The following UGGT1 variants were observed in gnomAD, a reference collection of about 807,000 sequenced individuals.
The protein encoded by UGGT1 is UDP-glucose:glycoprotein glucosyltransferase 1.
A neutral mutation model predicts 203.9 loss-of-function variants in UGGT1; 107 were observed. That is an observed-to-expected ratio of 0.52 (90% CI 0.45 to 0.62). The LOEUF (loss-of-function observed/expected upper bound fraction) is 0.62. Among genes scored for constraint, UGGT1 ranks in the 20% least tolerant of loss-of-function variants. The pLI is 0.00. For missense variants in UGGT1, 1,673 were observed against 1,867.2 expected (o/e 0.90, Z 1.92); for synonymous variants, 628 against 653.5 (o/e 0.96, Z 0.59).
chr2:128,171,072 A>T, intron 27 of UGGT1, 133 bp from the exon 28 acceptor site: 1 of 789,198 alleles, frequency 1.3e-6, no homozygotes, highest in East Asian at 2.7e-5. Context: ...TGTGATTTCC[A>T]GAAGTTTCGC....
intron 39 of UGGT1, 115 bp from the exon 40 acceptor site, chr2:128,187,334 G>T: frequency 8.9e-7 from 1 of 1,118,046 alleles, no homozygotes; most frequent in Non-Finnish European, 1.3e-6. Flanking sequence ...TATATCATTT[G>T]GTTCCTTACT....
chr2:128,106,091 C>T (rs1687593421), intron 3 of UGGT1, among the ~76,000 whole-genome samples: 1 of 151,556 alleles, frequency 6.6e-6, no homozygotes, highest in Non-Finnish European at 1.5e-5. Context: ...AGGCGTGGGC[C>T]ACCATGCCCA....
At chr2:128,162,199 T>G (rs1164970308) in intron 25 of UGGT1, among the ~76,000 whole-genome samples, 1 of 152,024 alleles carries the variant, frequency 6.6e-6, no homozygotes, top group African/African-American at 2.4e-5. Context: ...TCAAGTCTTT[T>G]GCCCATTTTT....
chr2:128,136,408 C>G (rs1293690731), intron 15 of UGGT1, among the ~76,000 whole-genome samples: 1 of 150,310 alleles, frequency 6.7e-6, no homozygotes, highest in East Asian at 2.0e-4. Context: ...AACTACTGAT[C>G]TTTTTACTGT....
chr2:128,185,492 T>TTA (rs1691930618), intron 38 of UGGT1, among the ~76,000 whole-genome samples: 1 of 143,630 alleles, frequency 7.0e-6, no homozygotes, highest in African/African-American at 2.6e-5. Context: ...TTTTTTTTTT[T>TTA]AGACAAGGTC....
intron 6 of UGGT1, among the ~76,000 whole-genome samples, chr2:128,113,905 C>T (rs1349463290): frequency 2.8e-4 from 1 of 3,606 alleles, no homozygotes; most frequent in East Asian, 6.4e-3. Context: ...GGCGTGAACC[C>T]GGGAGGCGGA....
At chr2:128,169,141 C>T (rs1214498852) in intron 26 of UGGT1, among the ~76,000 whole-genome samples, 1 of 138,248 alleles carries the variant, frequency 7.2e-6, no homozygotes, top group Non-Finnish European at 1.5e-5. Context: ...GAAGCCAAGG[C>T]AGGAGGATCA....
At chr2:128,182,909 C>T (rs374873120) in intron 37 of UGGT1, among the ~76,000 whole-genome samples, 20 of 114,214 alleles carry the variant, frequency 1.8e-4, no homozygotes, top group Admixed American at 1.9e-4. Context: ...TGTAACTTGG[C>T]TTTTTTTTTT....
In UGGT1 at chr2:128,152,806, A is replaced by T; in HGVS notation, c.2039A>T (p.Asp680Val). ...VYLGELPHDQ[D>V]VVEYIMNQPN... Reference sequence around the variant, plus strand: ...CAGGGTGAACTGCCCCATGATCAAGATGTGGTAGAGTATATCATGAATCAG... The same window carrying T: ...CAGGGTGAACTGCCCCATGATCAAGTTGTGGTAGAGTATATCATGAATCAG... Residue 680 changes from aspartate (D) to valine (V), a missense_variant, in exon 19 of 41, where the codon GAT (aspartate) becomes GTT (valine). Coordinates refer to ENST00000259253, the MANE Select transcript of UGGT1 (RefSeq NM_020120.4). 1 of 1,612,104 alleles carries T rather than the reference A, an allele frequency of 6.2e-7. No individual in the cohort carries two copies. Among genetic ancestry groups the T allele is most frequent in the South Asian group, 1.1e-5 (1 of 90,630 alleles).
chr2:128,091,311 C>A lies in UGGT1; in HGVS notation c.-47C>A. 2 of 1,521,598 alleles carry A rather than the reference C, an allele frequency of 1.3e-6. No individual in the cohort carries two copies. The highest frequency in any genetic ancestry group is 4.1e-5 in the Admixed American group (2 of 48,640). 94.3% of individuals were successfully genotyped at this position (1,521,598 alleles called of 1,614,324 possible). Reference sequence around the variant, plus strand: ...GCCGCTGCCGCCTCGCCCCGCCCTGCCCTGGCGTTGTCTCTGGCACTGTGG... The same window carrying A: ...GCCGCTGCCGCCTCGCCCCGCCCTGACCTGGCGTTGTCTCTGGCACTGTGG... On this transcript the variant is annotated 5_prime_UTR_variant, in exon 1 of 41. Transcript: ENST00000259253.
intron 11 of UGGT1, among the ~76,000 whole-genome samples, chr2:128,123,958 G>A (rs1437886868): frequency 6.6e-6 from 1 of 152,032 alleles, no homozygotes. Context: ...TTTTGTTTTT[G>A]TTTTGGAGAT....
intron 11 of UGGT1, among the ~76,000 whole-genome samples, chr2:128,125,152 G>A (rs572516055): frequency 1.3e-5 from 2 of 152,280 alleles, no homozygotes; most frequent in South Asian, 2.1e-4. Flanking sequence ...AGGGAAGAGC[G>A]TTTGGTGACT....
chr2:128,133,261 G>A lies in UGGT1; in HGVS notation c.1497+1G>A. 5 of 1,612,732 alleles carry A rather than the reference G, an allele frequency of 3.1e-6. No homozygotes were observed. The highest frequency in any genetic ancestry group is 4.2e-6 in the Non-Finnish European group (5 of 1,179,392). The stretch of plus-strand genomic sequence containing the variant: ...GATCAGGAAAAACTTACATAATATG[G>A]TAAGTAAAACTTATTGTCTGGCTGT... On this transcript the variant is annotated splice_donor_variant, in intron 14 of 40. Coordinates refer to ENST00000259253, the MANE Select transcript of UGGT1 (RefSeq NM_020120.4). LOFTEE classifies it high-confidence loss of function.
intron 13 of UGGT1, among the ~76,000 whole-genome samples, chr2:128,132,368 C>T (rs1438244389): frequency 2.0e-5 from 3 of 151,992 alleles, no homozygotes; most frequent in Middle Eastern, 3.4e-3. Context: ...GCCAACATGG[C>T]GAAACCCCAC....
At chr2:128,145,749 A>G (rs1689656081) in intron 17 of UGGT1, 54 bp from the exon 18 acceptor site, 4 of 1,462,396 alleles carry the variant, frequency 2.7e-6, no homozygotes, top group Non-Finnish European at 3.6e-6. Flanking sequence ...GCTGTGTTCC[A>G]TTTGTCTCAC....
At chr2:128,139,268 T>A (rs1432307762) in intron 16 of UGGT1, among the ~76,000 whole-genome samples, 1 of 152,216 alleles carries the variant, frequency 6.6e-6, no homozygotes, top group East Asian at 1.9e-4. Flanking sequence ...TATGTACTTT[T>A]TGAGACCAGA....
At position 128,116,207 on chromosome 2, in the gene UGGT1, C is replaced by T. The variant is rs183218843; in HGVS notation, c.794-58C>T. On this transcript the variant is annotated intron_variant, in intron 7 of 40. Transcript: ENST00000259253. ...TTTATGAAGTTTATGAGACTAGTAA[C>T]GTTTTTGTTTCAAATCTGAGCAATT... 9.6e-6 allele frequency: 11 copies of T among 1,141,140 alleles called. No individual in the cohort carries two copies. In the Admixed American group the frequency reaches 9.6e-5, roughly 10 times the overall value. 70.7% of individuals were successfully genotyped at this position (1,141,140 alleles called of 1,614,324 possible). A position where few individuals can be genotyped will look rare whatever the true frequency, so the allele number is the denominator to read the frequency against.
At chr2:128,169,580 A>G (rs1250315756) in intron 26 of UGGT1, among the ~76,000 whole-genome samples, 1 of 152,238 alleles carries the variant, frequency 6.6e-6, no homozygotes, top group African/African-American at 2.4e-5. Flanking sequence ...AGAAATTTCC[A>G]AATGTGGAGA....
rs761831326 is a variant in UGGT1 at position 128,113,228 on chromosome 2, A to T, written c.666A>T (p.Lys222Asn). The change falls in exon 6 of 41, where the codon AAA (lysine) becomes AAT (asparagine). Residue 222 changes from lysine (K) to asparagine (N), a missense_variant. Physicochemically the swap from Lys to Asn is moderately conservative, Grantham distance 94 (BLOSUM62 0). This residue lies in a region of UGGT1 where 1,073 missense variants were observed against 1,078.7 expected (regional missense o/e 0.99). Coordinates refer to ENST00000259253, the MANE Select transcript of UGGT1 (RefSeq NM_020120.4). Reference protein sequence around the residue: ...RQLISKSNAGKINYVFRHYIF... With the variant: ...RQLISKSNAGNINYVFRHYIF... ...TTATATCAAAAAGCAATGCAGGCAAAATCAATTATGTATTCAGACATTATA... is the reference window on the plus strand; with the variant it reads ...TTATATCAAAAAGCAATGCAGGCAATATCAATTATGTATTCAGACATTATA... 6.2e-7 allele frequency: 1 copy of T among 1,612,372 alleles called. No homozygotes were observed. The highest frequency in any genetic ancestry group is 1.1e-5 in the South Asian group (1 of 90,690).
Sources: gnomAD v4.1 joint callset for allele counts (sites outside exome capture counted in the v4.1 genomes callset) on GRCh38, gnomAD v4.1.1 for gene constraint, gnomAD v4.1.1 regional missense constraint, MANE v1.5 for transcripts, NCBI Gene and HGNC (gene_info 2026-07-23, HGNC 2026-07-21) for gene names.